The following IFT43 variants were observed in gnomAD, a reference collection of about 807,000 sequenced individuals.
IFT43 encodes the protein intraflagellar transport 43, also known as intraflagellar transport protein 43 homolog.
Under a neutral mutation model 32.3 loss-of-function variants are expected in IFT43, and 33 were observed. The observed-to-expected ratio is 1.02, with a 90% CI of 0.77 to 1.37. The LOEUF is 1.37. Ranked by LOEUF, IFT43 falls within the 40% of genes most tolerant of loss-of-function variation. The probability of loss-of-function intolerance (pLI) is 0.00; values close to 1 mark genes in which losing one functional copy is unlikely to be tolerated. For synonymous variants in IFT43, 93 were observed against 98.2 expected, an observed-to-expected ratio of 0.95 and a Z score of 0.31; for missense variants, 274 against 265.9, an observed-to-expected ratio of 1.03 and a Z score of -0.21.
At chr14:76,042,385 C>CT (rs1440915984) in intron 3 of IFT43, among the ~76,000 whole-genome samples, 4 of 152,184 alleles carry the variant, frequency 2.6e-5, no homozygotes, top group Non-Finnish European at 5.9e-5. Context: ...TTGCTGCCTT[C>CT]TGTTTTTATG....
chr14:75,988,216 AAAAAT>A (rs1326875278), intron 1 of IFT43, among the ~76,000 whole-genome samples: 6 of 152,164 alleles, frequency 3.9e-5, no homozygotes, highest in East Asian at 3.9e-4. Context: ...ATATCTACAA[AAAAAT>A]AAAATAAAGT....
intron 3 of IFT43, among the ~76,000 whole-genome samples, chr14:76,040,365 A>C (rs952063379): frequency 6.6e-6 from 1 of 152,196 alleles, no homozygotes; most frequent in Admixed American, 6.5e-5. Flanking sequence ...CCAGACTTCT[A>C]TTGTGTATTC....
chr14:76,045,813 G>A (rs940610148), intron 3 of IFT43, among the ~76,000 whole-genome samples: 4 of 152,172 alleles, frequency 2.6e-5, no homozygotes, highest in African/African-American at 7.2e-5. Context: ...TCTTTCTCAC[G>A]GGTCTACCCC....
Position 76,023,144 on chromosome 14 carries a change from T to C in IFT43, c.215+750T>C, listed in dbSNP as rs148597503. Among the ~76,000 whole-genome samples, 690 of 152,376 alleles carry C rather than the reference T, an allele frequency of 4.5e-3. 5 individuals are homozygous for C. The highest frequency in any genetic ancestry group is 0.013 in the African/African-American group (555 of 41,586). The stretch of plus-strand genomic sequence containing the variant: ...GGGCTGTAGATGGCAGATGCCATTC[T>C]CTCTGAGCTGGATGATGTTGGGTAA... On this transcript the variant is annotated intron_variant, in intron 3 of 8. Coordinates refer to ENST00000314067, the MANE Select transcript of IFT43 (RefSeq NM_001102564.3).
At chr14:76,037,294 G>A (rs962792548) in intron 3 of IFT43, among the ~76,000 whole-genome samples, 2 of 152,220 alleles carry the variant, frequency 1.3e-5, no homozygotes, top group Admixed American at 6.5e-5. Flanking sequence ...AGGCACAGGT[G>A]TCCGGTCATT....
intron 3 of IFT43, among the ~76,000 whole-genome samples, chr14:76,030,310 C>T (rs2036486215): frequency 6.6e-6 from 1 of 152,000 alleles, no homozygotes; most frequent in African/African-American, 2.4e-5. Context: ...TTTGAGATGG[C>T]TCTTATGCTT....
chr14:76,009,849 C>A (rs1347080121), intron 2 of IFT43, among the ~76,000 whole-genome samples: 1 of 151,802 alleles, frequency 6.6e-6, no homozygotes. Flanking sequence ...GGCTGGAGTG[C>A]AGTGATGCAA....
chr14:76,060,609 C>A (rs2037112772), intron 5 of IFT43, among the ~76,000 whole-genome samples: 1 of 128,372 alleles, frequency 7.8e-6, no homozygotes, highest in Non-Finnish European at 1.7e-5. Context: ...TTCTATCTGG[C>A]ATCAGTTTCC....
At chr14:76,058,957 TAG>T in intron 4 of IFT43, 1 of 1,437,456 alleles carries the variant, frequency 7.0e-7, no homozygotes, top group Non-Finnish European at 9.1e-7. Context: ...ATTATTGATA[TAG>T]ATGGGCAGAA....
Position 76,082,361 on chromosome 14 carries a change from C to T in IFT43, c.362C>T (p.Pro121Leu), listed in dbSNP as rs907131121. Residue 121 changes from proline to leucine, a missense_variant, in exon 6 of 9, where the codon CCT (proline) becomes CTT (leucine). Transcript: ENST00000314067. ...EEDFVLQVAA[P>L]PSIQIKRVMT... ...GACTTTGTTTTGCAGGTGGCAGCCC[C>T]TCCCAGGTAGGTTAAATCAGATATG... 5.0e-6 allele frequency: 8 copies of T among 1,601,398 alleles called. No homozygotes were observed. The highest frequency in any genetic ancestry group is 6.8e-6 in the Non-Finnish European group (8 of 1,168,490).
intron 3 of IFT43, among the ~76,000 whole-genome samples, chr14:76,052,048 G>A (rs527734497): frequency 6.6e-6 from 1 of 152,282 alleles, no homozygotes; most frequent in East Asian, 1.9e-4. Context: ...TGGCACTTTC[G>A]TCTATTTTAA....
intron 5 of IFT43, among the ~76,000 whole-genome samples, chr14:76,062,834 T>C (rs903128666): frequency 4.1e-5 from 6 of 147,388 alleles, no homozygotes; most frequent in African/African-American, 1.5e-4. Context: ...GGAGAATCAC[T>C]TGAACCTGGG....
At chr14:76,072,488 A>G (rs1285671632) in intron 5 of IFT43, among the ~76,000 whole-genome samples, 3 of 152,216 alleles carry the variant, frequency 2.0e-5, no homozygotes, top group African/African-American at 7.2e-5. Flanking sequence ...CAAGGTTGAT[A>G]GTAGTAACGT....
At chr14:76,049,074 AAAAGT>A (rs2036863205) in intron 3 of IFT43, among the ~76,000 whole-genome samples, 1 of 152,238 alleles carries the variant, frequency 6.6e-6, no homozygotes, top group African/African-American at 2.4e-5. Context: ...TCTGTACAGG[AAAAGT>A]AAAAGACCCA....
chr14:75,999,354 C>G (rs147354875), intron 2 of IFT43, among the ~76,000 whole-genome samples: 543 of 143,972 alleles, frequency 3.8e-3, no homozygotes, highest in African/African-American at 0.013. Flanking sequence ...TCTCAAACTC[C>G]CGGCCTTAAG....
At chr14:76,033,568 T>G (rs1291826338) in intron 3 of IFT43, among the ~76,000 whole-genome samples, 1 of 152,150 alleles carries the variant, frequency 6.6e-6, no homozygotes, top group Non-Finnish European at 1.5e-5. Flanking sequence ...GTTGAGATTG[T>G]TGAGGCAAAG....
intron 1 of IFT43, 141 bp downstream of exon 1, chr14:75,985,981 A>G (rs1269961652): frequency 6.5e-7 from 1 of 1,527,678 alleles, no homozygotes; most frequent in Non-Finnish European, 8.8e-7. Flanking sequence ...AGGCAGCCTC[A>G]CCGCCCCGCC....
chr14:76,001,058 G>A (rs1335910059), intron 2 of IFT43, among the ~76,000 whole-genome samples: 2 of 152,108 alleles, frequency 1.3e-5, no homozygotes, highest in African/African-American at 4.8e-5. Context: ...ATGAACTCCC[G>A]ATTCCTTTTT....
chr14:76,028,251 C>G (rs2036442299), intron 3 of IFT43, among the ~76,000 whole-genome samples: 2 of 152,020 alleles, frequency 1.3e-5, no homozygotes, highest in Admixed American at 6.5e-5. Flanking sequence ...CGCTTTGAAT[C>G]CTGTTCACCC....
Sources: gnomAD v4.1 joint callset for allele counts (sites outside exome capture counted in the v4.1 genomes callset) on GRCh38, gnomAD v4.1.1 for gene constraint, MANE v1.5 for transcripts, NCBI Gene and HGNC (gene_info 2026-07-23, HGNC 2026-07-21) for gene names.